Variants in LINGO2 observed in about 807,000 individuals in gnomAD.
LINGO2 encodes leucine rich repeat and Ig domain containing 2, also known as leucine-rich repeat and immunoglobulin-like domain-containing nogo receptor-interacting protein 2.
Under a neutral mutation model 30.6 loss-of-function variants are expected in LINGO2, and 14 were observed. The ratio of observed to expected loss-of-function variants is 0.46; its 90% confidence interval spans 0.30 to 0.72. The LOEUF is 0.72. Ranked by LOEUF, LINGO2 falls within the 30% of genes least tolerant of loss-of-function variation. The pLI is 0.07. For synonymous variants in LINGO2, 317 were observed against 288.5 expected, an observed-to-expected ratio of 1.10 and a Z score of -1.00; for missense variants, 729 against 751.7, an observed-to-expected ratio of 0.97 and a Z score of 0.35.
the LINGO2 span, among the ~76,000 whole-genome samples, chr9:28,807,084 G>T: frequency 6.6e-6 from 1 of 151,386 alleles, no homozygotes; most frequent in South Asian, 2.1e-4. Flanking sequence ...GAGTGCAGTG[G>T]CGCAATTTCA....
At chr9:29,076,016 GCAC>G in the LINGO2 span, among the ~76,000 whole-genome samples, 1 of 151,198 alleles carries the variant, frequency 6.6e-6, no homozygotes, top group Admixed American at 6.6e-5. Context: ...GCCTCTCTGT[GCAC>G]CACCACATCT....
chr9:28,581,233 T>C (rs989114358), intron 1 of LINGO2, among the ~76,000 whole-genome samples: 5 of 151,700 alleles, frequency 3.3e-5, no homozygotes, highest in Non-Finnish European at 2.9e-5. Context: ...TTGTGTGCAT[T>C]TGTGTGCCTC....
chr9:28,272,926 G>C (rs1318163399), intron 4 of LINGO2, among the ~76,000 whole-genome samples: 1 of 152,134 alleles, frequency 6.6e-6, no homozygotes, highest in Non-Finnish European at 1.5e-5. Context: ...CTTTAACTTG[G>C]AGAGTTACCC....
chr9:28,590,604 T>G (rs1036534662), intron 1 of LINGO2, among the ~76,000 whole-genome samples: 1 of 151,902 alleles, frequency 6.6e-6, no homozygotes, highest in Non-Finnish European at 1.5e-5. Flanking sequence ...AAAACCACAA[T>G]GAGATACCAT....
the LINGO2 span, among the ~76,000 whole-genome samples, chr9:29,172,406 G>T: frequency 1.3e-5 from 2 of 151,676 alleles, no homozygotes; most frequent in Non-Finnish European, 3.0e-5. Context: ...TTTAAAACTC[G>T]TTTAAATTAA....
the LINGO2 span, among the ~76,000 whole-genome samples, chr9:28,788,223 G>C: frequency 2.6e-5 from 4 of 152,024 alleles, no homozygotes; most frequent in African/African-American, 9.7e-5. Flanking sequence ...TCATTAAAAA[G>C]CCAGTAATTA....
intron 1 of LINGO2, among the ~76,000 whole-genome samples, chr9:28,634,153 T>C (rs955590588): frequency 3.3e-5 from 5 of 152,194 alleles, no homozygotes; most frequent in Non-Finnish European, 5.9e-5. Context: ...TGGAATTACA[T>C]TTAGGTCTTA....
At chr9:28,514,230 G>T (rs2135376865) in intron 1 of LINGO2, among the ~76,000 whole-genome samples, 1 of 152,194 alleles carries the variant, frequency 6.6e-6, no homozygotes, top group East Asian at 1.9e-4. Context: ...CAACAACATT[G>T]AAATTAGGCC....
chr9:28,418,896 ATTT>A (rs1269242243), intron 2 of LINGO2, among the ~76,000 whole-genome samples: 5 of 152,024 alleles, frequency 3.3e-5, no homozygotes, highest in Admixed American at 2.6e-4. Flanking sequence ...TGGAATGAAT[ATTT>A]TTGATTTCAA....
chr9:28,916,546 C>G, the LINGO2 span, among the ~76,000 whole-genome samples: 17 of 152,172 alleles, frequency 1.1e-4, no homozygotes, highest in African/African-American at 4.1e-4. Flanking sequence ...AACCAATTGC[C>G]AGTTAGAAAA....
the LINGO2 span, among the ~76,000 whole-genome samples, chr9:28,715,749 A>C: frequency 6.6e-6 from 1 of 152,094 alleles, no homozygotes; most frequent in Non-Finnish European, 1.5e-5. Context: ...ACTTTTCTGA[A>C]AAGGAATCTT....
At chr9:28,892,136 G>C in the LINGO2 span, among the ~76,000 whole-genome samples, 1 of 151,840 alleles carries the variant, frequency 6.6e-6, no homozygotes, top group Non-Finnish European at 1.5e-5. Flanking sequence ...AGATAAATCT[G>C]AATTTTAAAA....
chr9:28,298,277 T>A lies in LINGO2; in HGVS notation c.-245-2911A>T, dbSNP rs78893114. On this transcript the variant is annotated intron_variant, in intron 3 of 5. Transcript: ENST00000379992. ...TGATTTCCAAAGGATTTAATTATTT[T>A]ATGTTTTGAAACTCTGCTATTACTG... is the stretch of plus-strand genomic sequence containing the variant. 0.016 allele frequency among the ~76,000 whole-genome samples: 2,425 copies of A among 152,224 alleles called. 144 individuals are homozygous for A. The East Asian group carries it at 0.19, about 12-fold the overall frequency.
chr9:28,837,913 T>G, the LINGO2 span, among the ~76,000 whole-genome samples: 1 of 151,636 alleles, frequency 6.6e-6, no homozygotes, highest in African/African-American at 2.4e-5. Context: ...AGATTTAAAT[T>G]TATATGCTAT....
At chr9:28,620,633 T>C (rs1015099095) in intron 1 of LINGO2, among the ~76,000 whole-genome samples, 1 of 151,990 alleles carries the variant, frequency 6.6e-6, no homozygotes, top group Non-Finnish European at 1.5e-5. Context: ...AAGACAGAAA[T>C]GATAATATAT....
the LINGO2 span, among the ~76,000 whole-genome samples, chr9:29,031,331 G>A: frequency 6.6e-6 from 1 of 151,996 alleles, no homozygotes; most frequent in Non-Finnish European, 1.5e-5. Flanking sequence ...CGCCCAGGCT[G>A]CAGTGCAGTG....
In LINGO2 at chr9:28,198,846, C is replaced by CA. The variant is rs150128171; in HGVS notation, c.-87+96361dup. On this transcript the variant is annotated intron_variant, in intron 4 of 5. Transcript: ENST00000379992. ...ACAATCTCACGGAAATTTAGGATCT[C>CA]AGAGTCAAAATGGACCTTAAATGTC... 6.1e-3 allele frequency among the ~76,000 whole-genome samples: 927 copies of CA among 152,212 alleles called. 10 individuals are homozygous for CA. Among genetic ancestry groups the CA allele is most frequent in the African/African-American group, 0.021 (883 of 41,528 alleles).
At chr9:28,819,650 C>G in the LINGO2 span, among the ~76,000 whole-genome samples, 1 of 152,080 alleles carries the variant, frequency 6.6e-6, no homozygotes, top group African/African-American at 2.4e-5. Context: ...ACTGCAAGGG[C>G]CTAATGAGGA....
the LINGO2 span, among the ~76,000 whole-genome samples, chr9:29,157,965 A>T: frequency 6.6e-6 from 1 of 152,172 alleles, no homozygotes; most frequent in Non-Finnish European, 1.5e-5. Flanking sequence ...ATACCAGGCT[A>T]TATCTATATA....
Sources: gnomAD v4.1 joint callset for allele counts (sites outside exome capture counted in the v4.1 genomes callset) on GRCh38, gnomAD v4.1.1 for gene constraint, MANE v1.5 for transcripts, NCBI Gene and HGNC (gene_info 2026-07-23, HGNC 2026-07-21) for gene names.